IDO2: variants seen among roughly 807,000 people sequenced by gnomAD.
IDO2 encodes the protein indoleamine 2,3-dioxygenase-like 1 protein.
A neutral mutation model predicts 45.1 loss-of-function variants in IDO2; 46 were observed. The observed-to-expected ratio is 1.02, with a 90% CI of 0.80 to 1.30. IDO2 has a LOEUF of 1.30. Among genes scored for constraint, IDO2 ranks in the 50% most tolerant of loss-of-function variants. The probability of loss-of-function intolerance (pLI) is 0.00; values close to 1 mark genes in which losing one functional copy is unlikely to be tolerated. For synonymous variants in IDO2, 218 were observed against 184.9 expected (o/e 1.18, Z -1.45); for missense variants, 544 against 491.8 (o/e 1.11, Z -1.00).
intron 9 of IDO2, among the ~76,000 whole-genome samples, chr8:40,013,068 GGT>G (rs137982997): frequency 1.3e-5 from 2 of 150,970 alleles, no homozygotes; most frequent in Non-Finnish European, 3.0e-5. Flanking sequence ...GAAGGGCAAA[GGT>G]GTGTGTGTGT....
intron 3 of IDO2, among the ~76,000 whole-genome samples, chr8:39,978,846 A>C (rs1322103583): frequency 1.3e-5 from 2 of 152,080 alleles, no homozygotes; most frequent in African/African-American, 4.8e-5. Context: ...GTGGGCGGTT[A>C]GGTTCTTCCT....
chr8:40,008,653 G>A (rs1345195477), intron 9 of IDO2, among the ~76,000 whole-genome samples: 2 of 152,148 alleles, frequency 1.3e-5, no homozygotes, highest in East Asian at 1.9e-4. Context: ...TATCCTTCAA[G>A]GGATAAATTG....
chr8:40,004,875 C>T (rs934568891), intron 8 of IDO2, among the ~76,000 whole-genome samples: 2 of 152,202 alleles, frequency 1.3e-5, no homozygotes, highest in Non-Finnish European at 2.9e-5. Flanking sequence ...GCAAGGGACA[C>T]TTGCTCCGCT....
At chr8:39,978,677 T>A (rs983804209) in intron 3 of IDO2, among the ~76,000 whole-genome samples, 1 of 152,060 alleles carries the variant, frequency 6.6e-6, no homozygotes, top group South Asian at 2.1e-4. Context: ...CCACAGTGTT[T>A]GGATAAGACA....
chr8:39,948,888 G>T (rs1270185226), intron 1 of IDO2, among the ~76,000 whole-genome samples: 1 of 152,108 alleles, frequency 6.6e-6, no homozygotes, highest in Non-Finnish European at 1.5e-5. Context: ...GGTTAAAACT[G>T]CTTTTCTCAT....
chr8:39,942,037 A>T (rs1807650452), intron 1 of IDO2, among the ~76,000 whole-genome samples: 2 of 152,184 alleles, frequency 1.3e-5, no homozygotes, highest in African/African-American at 2.4e-5. Context: ...AGGATACAGT[A>T]AGCTATGATT....
chr8:39,982,975 CTTGT>C (rs1464772954), intron 5 of IDO2, among the ~76,000 whole-genome samples: 3 of 152,208 alleles, frequency 2.0e-5, no homozygotes, highest in Admixed American at 6.5e-5. Flanking sequence ...ACCATTTTGT[CTTGT>C]TTGTTTCCAC....
In IDO2 at chr8:39,979,200, AG is replaced by A; in HGVS notation, c.315+15del. 6.4e-7 allele frequency: 1 copy of A among 1,568,308 alleles called. No individual in the cohort carries two copies. On this transcript the variant is annotated intron_variant, in intron 4 of 10. Coordinates refer to ENST00000502986, the Ensembl canonical transcript of IDO2. ...CAGCCTGCAGAGGTGAGGGCCAGAG[AG>A]CAGCTTCTCCTGTTACCCGGCAGGT...
chr8:39,997,830 TC>T (rs1802072555), intron 8 of IDO2: 1 of 158,216 alleles, frequency 6.3e-6, no homozygotes, highest in African/African-American at 2.4e-5. Flanking sequence ...CACTCTCACT[TC>T]CCTACACTCC....
At chr8:39,960,325 ATCT>A (rs757046737) in intron 2 of IDO2, among the ~76,000 whole-genome samples, 2 of 127,542 alleles carry the variant, frequency 1.6e-5, no homozygotes, top group African/African-American at 2.7e-5. Context: ...TAAACTCTAG[ATCT>A]TCTACTGCTG....
intron 6 of IDO2, 46 bp from the exon 7 acceptor site, chr8:39,987,825 G>T (rs377440588): frequency 1.7e-6 from 2 of 1,159,104 alleles, no homozygotes; most frequent in East Asian, 2.4e-5. Flanking sequence ...GAGTACTCAC[G>T]GTACAGTCTC....
rs1807794675 is a variant in IDO2, at chr8:39,950,324, G to C, written c.99+1060G>C. On this transcript the variant is annotated intron_variant, in intron 2 of 10. Coordinates refer to ENST00000502986, the Ensembl canonical transcript of IDO2. ...GGCAGGTGGATCACTTGAGGTTCAG[G>C]AGTTCAAGACCAGGTTGATCAACAT... 1.3e-5 allele frequency among the ~76,000 whole-genome samples: 2 copies of C among 152,184 alleles called. 1 individual carries two copies. Among genetic ancestry groups the C allele is most frequent in the South Asian group, 4.1e-4 (2 of 4,832 alleles).
chr8:39,967,620 TG>T (rs1808108340), intron 3 of IDO2, among the ~76,000 whole-genome samples: 1 of 152,094 alleles, frequency 6.6e-6, no homozygotes, highest in Non-Finnish European at 1.5e-5. Context: ...CCCGAGTAGC[TG>T]GGATTACAGG....
In IDO2 at chr8:39,991,677, T is replaced by A. The variant is rs372729914; in HGVS notation, c.667+1839T>A. ...GCTCTGCCTCCCGGGTTCAAGCGAT[T>A]CTCTTGCCTCAGTCTCCCTAGTAGC... On this transcript the variant is annotated intron_variant, in intron 8 of 10. Coordinates refer to ENST00000502986, the Ensembl canonical transcript of IDO2. Among the ~76,000 whole-genome samples the A allele has an allele frequency of 4.9e-4, 74 of 151,872 alleles. 1 individual carries two copies. Among genetic ancestry groups the A allele is most frequent in the Middle Eastern group, 3.4e-3 (1 of 294 alleles).
At chr8:40,013,862 A>G in intron 10 of IDO2, 149 bp downstream of exon 10, 1 of 594,448 alleles carries the variant, frequency 1.7e-6, no homozygotes, top group Non-Finnish European at 2.8e-6. Flanking sequence ...ATGACTGCCA[A>G]TGTTTTTGTG....
At chr8:40,011,214 A>T (rs1226681339) in intron 9 of IDO2, among the ~76,000 whole-genome samples, 1 of 152,170 alleles carries the variant, frequency 6.6e-6, no homozygotes, top group Non-Finnish European at 1.5e-5. Flanking sequence ...TCCAGCTGGG[A>T]TATAGTTGTT....
chr8:39,958,483 G>A (rs774492700), intron 2 of IDO2, among the ~76,000 whole-genome samples: 21 of 152,160 alleles, frequency 1.4e-4, no homozygotes, highest in Admixed American at 1.3e-4. Context: ...TGCAACCTCC[G>A]CCTCCTGGGT....
intron 9 of IDO2, among the ~76,000 whole-genome samples, chr8:40,008,790 C>T (rs984186777): frequency 1.3e-5 from 2 of 152,100 alleles, no homozygotes; most frequent in Admixed American, 6.5e-5. Context: ...GTCATTGACA[C>T]ATTTTATCTT....
chr8:39,952,805 G>A (rs1234087726), intron 2 of IDO2, among the ~76,000 whole-genome samples: 1 of 150,960 alleles, frequency 6.6e-6, no homozygotes, highest in Non-Finnish European at 1.5e-5. Context: ...ATGGCGTCTT[G>A]TACCCCAGGT....
Sources: allele counts gnomAD v4.1 joint callset (sites outside exome capture counted in the v4.1 genomes callset), GRCh38; gene constraint gnomAD v4.1.1; transcripts MANE v1.5; gene names NCBI Gene and HGNC (gene_info 2026-07-23, HGNC 2026-07-21).